Variants in GOLGA8O observed in about 807,000 individuals in gnomAD.
GOLGA8O encodes the protein golgin subfamily A member 8O.
GOLGA8O carries 4 observed loss-of-function variants against 29.7 expected under a neutral mutation model. That is an observed-to-expected ratio of 0.13 (90% CI 0.07 to 0.31). GOLGA8O has a LOEUF of 0.31. GOLGA8O is among the 10% of genes least tolerant of loss of function. The pLI is 1.00. For synonymous variants in GOLGA8O, 6 were observed against 78.0 expected (o/e 0.08, Z 4.87); for missense variants, 32 against 216.5 (o/e 0.15, Z 5.35).
chr15:32,445,636 C>T lies in GOLGA8O; in HGVS notation c.1549G>A (p.Ala517Thr). ...ACCCTACCTTCATCTCCTCCCTGAG[C>T]TCCAGCCTGATGGTGTCCTCCTCCC... The part of the protein sequence containing the change: ...ALGGGHHQAG[A>T]QGGDEGEAAG... Residue 517 changes from alanine to threonine, a missense_variant, in exon 17 of 19, where the codon GCT becomes ACT. Ala to Thr is a moderately conservative substitution (Grantham distance 58). Transcript: ENST00000509311. 2.7e-6 allele frequency: 1 copy of T among 369,118 alleles called. No homozygotes were observed. The highest frequency in any genetic ancestry group is 9.3e-5 in the East Asian group (1 of 10,806). 22.9% of individuals were successfully genotyped at this position (369,118 alleles called of 1,614,324 possible). A position where few individuals can be genotyped will look rare whatever the true frequency, so the allele number is the denominator to read the frequency against.
chr15:32,450,547 A>ACACC (rs1351772279), intron 8 of GOLGA8O, among the ~76,000 whole-genome samples: 4 of 143,632 alleles, frequency 2.8e-5, no homozygotes, highest in Non-Finnish European at 6.1e-5. Flanking sequence ...ACACACACAC[A>ACACC]CACATGCACG....
chr15:32,455,187 G>A (rs1024894678), intron 1 of GOLGA8O, among the ~76,000 whole-genome samples: 2 of 84,742 alleles, frequency 2.4e-5, no homozygotes, highest in Non-Finnish European at 4.8e-5. Flanking sequence ...GGAGATGAGA[G>A]CCCAAAGAGC....
chr15:32,460,707 A>G, the GOLGA8O span, among the ~76,000 whole-genome samples: 2 of 96,654 alleles, frequency 2.1e-5, no homozygotes, highest in East Asian at 2.6e-4. Context: ...ACACACACAC[A>G]CGCACACACA....
At chr15:32,460,780 C>T in the GOLGA8O span, among the ~76,000 whole-genome samples, 3 of 93,218 alleles carry the variant, frequency 3.2e-5, no homozygotes, top group Admixed American at 3.0e-4. Flanking sequence ...TAACCCAGAG[C>T]CCACAAAGGC....
chr15:32,452,264 G>A, intron 4 of GOLGA8O, among the ~76,000 whole-genome samples: 1 of 37,832 alleles, frequency 2.6e-5, no homozygotes, highest in Non-Finnish European at 4.7e-5. Context: ...GGCGTGTGTA[G>A]CAAGGACTCG....
chr15:32,450,626 C>A (rs1319861316), intron 8 of GOLGA8O, among the ~76,000 whole-genome samples: 1 of 151,756 alleles, frequency 6.6e-6, no homozygotes, highest in Non-Finnish European at 1.5e-5. Flanking sequence ...GTACAAGTAC[C>A]CAATACCCCA....
At chr15:32,450,115 ACT>A (rs2055100000) in intron 8 of GOLGA8O, among the ~76,000 whole-genome samples, 1 of 46,398 alleles carries the variant, frequency 2.2e-5, no homozygotes, top group Non-Finnish European at 3.4e-5. Flanking sequence ...CATTATTACC[ACT>A]GTTTGAACCT....
Position 32,455,444 on chromosome 15 carries a change from G to C in GOLGA8O, c.48+45C>G, listed in dbSNP as rs1231354383. 1.4e-5 allele frequency: 5 copies of C among 347,954 alleles called. 2 individuals are homozygous for C. Among genetic ancestry groups the C allele is most frequent in the Non-Finnish European group, 2.5e-5 (5 of 199,938 alleles). The allele number at this position is 347,954 out of a possible 1,614,324, so 21.6% of individuals were successfully genotyped here. On this transcript the variant is annotated intron_variant, in intron 1 of 18. Coordinates refer to ENST00000509311, the MANE Select transcript of GOLGA8O (RefSeq NM_001277308.1). ...CTGGCAGGGGTCTTGTCATCAGAGG[G>C]GATCTGTGGCTGGGTTGAGGGGCTA...
At chr15:32,460,696 C>A in the GOLGA8O span, among the ~76,000 whole-genome samples, 1 of 98,244 alleles carries the variant, frequency 1.0e-5, no homozygotes, top group Non-Finnish European at 2.1e-5. Context: ...CACGCGCACA[C>A]ACACACACAC....
At chr15:32,446,278 T>G (rs542761230) in intron 15 of GOLGA8O, among the ~76,000 whole-genome samples, 196 bp downstream of exon 15, 677 of 127,866 alleles carry the variant, frequency 5.3e-3, no homozygotes, top group African/African-American at 0.018. Context: ...GGCAGAGAGG[T>G]GGAGCGCAGC....
chr15:32,450,967 C>G lies in GOLGA8O; in HGVS notation c.537G>C (p.Glu179Asp). ...RLQHSLQCKGELESALSAVIA... is the reference protein window; with the variant it reads ...RLQHSLQCKGDLESALSAVIA... The stretch of plus-strand genomic sequence containing the variant: ...TGACAGCAGACAGAGCGCTCTCTAA[C>G]TCTCCTTTACACTGCAATGAATGTT... Residue 179 changes from glutamate to aspartate, a missense_variant, in exon 8 of 19, where the codon GAG becomes GAC. Transcript: ENST00000509311. The G allele has an allele frequency of 1.4e-6, 2 of 1,406,046 alleles. No homozygotes were observed. Among genetic ancestry groups the G allele is most frequent in the Non-Finnish European group, 1.9e-6 (2 of 1,041,740 alleles). 87.1% of individuals were successfully genotyped at this position (1,406,046 alleles called of 1,614,324 possible). A position where few individuals can be genotyped will look rare whatever the true frequency, so the allele number is the denominator to read the frequency against.
At chr15:32,453,134 AAAC>A (rs1284575086) in intron 2 of GOLGA8O, among the ~76,000 whole-genome samples, 1 of 7,840 alleles carries the variant, frequency 1.3e-4, no homozygotes, top group African/African-American at 6.8e-4. Context: ...ATTAACATAA[AAAC>A]AACAATAACA....
chr15:32,458,559 TCC>T (rs1303965681), upstream of GOLGA8O, among the ~76,000 whole-genome samples: 1 of 107,008 alleles, frequency 9.3e-6, no homozygotes, highest in Non-Finnish European at 2.0e-5. Context: ...CAGCATACAT[TCC>T]CCTTAAAGCT....
chr15:32,450,486 C>T (rs549930677), intron 8 of GOLGA8O, among the ~76,000 whole-genome samples: 1 of 143,926 alleles, frequency 6.9e-6, no homozygotes, highest in Non-Finnish European at 1.5e-5. Context: ...TGAACCCTTG[C>T]AGACATGTTT....
intron 8 of GOLGA8O, among the ~76,000 whole-genome samples, chr15:32,450,550 C>CAT (rs1555415963): frequency 2.9e-5 from 4 of 139,158 alleles, no homozygotes; most frequent in Admixed American, 2.2e-4. Context: ...CACACACACA[C>CAT]ATGCACGCGT....
intron 8 of GOLGA8O, among the ~76,000 whole-genome samples, 188 bp downstream of exon 8, chr15:32,450,725 A>AC (rs1220687833): frequency 6.6e-6 from 1 of 151,784 alleles, no homozygotes; most frequent in Non-Finnish European, 1.5e-5. Context: ...TCCCCACAGT[A>AC]CCCCCCAACT....
upstream of GOLGA8O, among the ~76,000 whole-genome samples, chr15:32,459,314 T>A (rs1345838846): frequency 1.0e-5 from 1 of 99,192 alleles, no homozygotes. Flanking sequence ...AAAAAAAGAC[T>A]ACAAATGATA....
chr15:32,453,256 T>C (rs2055151230), intron 2 of GOLGA8O, among the ~76,000 whole-genome samples: 1 of 64,956 alleles, frequency 1.5e-5, no homozygotes, highest in South Asian at 6.2e-4. Context: ...ATCATATCCC[T>C]AGCAGAGCAG....
chr15:32,444,455 G>A lies in GOLGA8O; in HGVS notation c.*651C>T. Among the ~76,000 whole-genome samples the A allele has an allele frequency of 7.9e-6, 1 of 126,710 alleles. No homozygotes were observed. Among genetic ancestry groups the A allele is most frequent in the Non-Finnish European group, 1.8e-5 (1 of 55,358 alleles). The allele number at this position is 126,710 out of a possible 152,430, so 83.1% of individuals were successfully genotyped here. A position where few individuals can be genotyped will look rare whatever the true frequency, so the allele number is the denominator to read the frequency against. On this transcript the variant is annotated 3_prime_UTR_variant, in exon 19 of 19. Coordinates refer to ENST00000509311, the MANE Select transcript of GOLGA8O (RefSeq NM_001277308.1). The stretch of plus-strand genomic sequence containing the variant: ...TATCTTGCACATACCTGCCAGAGGA[G>A]GCCACTTTCCTCTTCTGTGAGATTT...
Sources: gnomAD v4.1 joint callset for allele counts (sites outside exome capture counted in the v4.1 genomes callset) on GRCh38, gnomAD v4.1.1 for gene constraint, MANE v1.5 for transcripts, NCBI Gene and HGNC (gene_info 2026-07-23, HGNC 2026-07-21) for gene names.